BPIFC: variants seen among roughly 807,000 people sequenced by gnomAD.
BPIFC encodes BPI fold containing family C.
Under a neutral mutation model 57.6 loss-of-function variants are expected in BPIFC, and 60 were observed. That is an observed-to-expected ratio of 1.04 (90% confidence interval 0.85 to 1.29). BPIFC has a LOEUF of 1.29. BPIFC is among the 50% of genes most tolerant of loss of function. The pLI is 0.00. For missense variants in BPIFC, 581 were observed against 600.5 expected, an observed-to-expected ratio of 0.97 and a Z score of 0.34; for synonymous variants, 243 against 224.5, an observed-to-expected ratio of 1.08 and a Z score of -0.74.
chr22:32,423,491 T>G (rs11912349), intron 13 of BPIFC, among the ~76,000 whole-genome samples: 34,940 of 151,258 alleles, frequency 0.23, 4,636 homozygotes, highest in East Asian at 0.45. Flanking sequence ...GCTTGAGGAG[T>G]AGAGTTAGGT....
chr22:32,415,199 C>G (rs1601437464), intron 16 of BPIFC, among the ~76,000 whole-genome samples: 1 of 152,184 alleles, frequency 6.6e-6, no homozygotes, highest in African/African-American at 2.4e-5. Flanking sequence ...TGCTGCTGAT[C>G]TGGTAGGAGG....
chr22:32,461,895 C>A (rs560363474), intron 1 of BPIFC, among the ~76,000 whole-genome samples: 3 of 152,020 alleles, frequency 2.0e-5, no homozygotes, highest in African/African-American at 7.2e-5. Context: ...AAAAATAGGC[C>A]GGGCGTGGTG....
chr22:32,450,004 G>A (rs1432731447), intron 4 of BPIFC, among the ~76,000 whole-genome samples: 1 of 151,848 alleles, frequency 6.6e-6, no homozygotes, highest in Admixed American at 6.6e-5. Context: ...AAAGTGCTGG[G>A]ATTACAAGCG....
At chr22:32,434,318 A>G (rs988271514) in intron 10 of BPIFC, among the ~76,000 whole-genome samples, 11 of 148,900 alleles carry the variant, frequency 7.4e-5, no homozygotes, top group South Asian at 2.1e-4. Flanking sequence ...TATATATATT[A>G]CACTCTGTGT....
chr22:32,441,636 A>C (rs941435631), intron 8 of BPIFC, among the ~76,000 whole-genome samples: 3 of 152,150 alleles, frequency 2.0e-5, no homozygotes, highest in African/African-American at 7.2e-5. Flanking sequence ...GCTGGGTCTT[A>C]AATATAAAGA....
intron 3 of BPIFC, 89 bp from the exon 4 acceptor site, chr22:32,453,592 T>G: frequency 7.0e-7 from 1 of 1,420,702 alleles, no homozygotes. Flanking sequence ...ATTTATTGAG[T>G]GAGACATGCC....
In BPIFC at chr22:32,452,362, C is replaced by T. The variant is rs377144167; in HGVS notation, c.245+1021G>A. On this transcript the variant is annotated intron_variant, in intron 4 of 16. Transcript: ENST00000300399. ...CAAAACATCTTGGTTTTGGGCTGGG[C>T]GTGGTGGCTCACGCCTGTAATCCCA... is the stretch of plus-strand genomic sequence containing the variant. Among the ~76,000 whole-genome samples, 522 of 150,428 alleles carry T rather than the reference C, an allele frequency of 3.5e-3. 3 individuals are homozygous for T. Among genetic ancestry groups the T allele is most frequent in the Middle Eastern group, 0.02 (6 of 294 alleles).
chr22:32,426,667 G>A lies in BPIFC; in HGVS notation c.1217+4680C>T, dbSNP rs1170049892. Among the ~76,000 whole-genome samples, 7 of 152,116 alleles carry A rather than the reference G, an allele frequency of 4.6e-5. 1 individual carries two copies. The highest frequency in any genetic ancestry group is 3.3e-4 in the Admixed American group (5 of 15,270). On this transcript the variant is annotated intron_variant, in intron 13 of 16. Coordinates refer to ENST00000300399, the MANE Select transcript of BPIFC (RefSeq NM_174932.3). Reference sequence around the variant, plus strand: ...AGCACTTTGGGAGGCCGAGGCGGGTGGATCACCTGAGGTCAGGAGTTCGAG... The same window carrying A: ...AGCACTTTGGGAGGCCGAGGCGGGTAGATCACCTGAGGTCAGGAGTTCGAG...
chr22:32,416,945 G>A, intron 15 of BPIFC, 140 bp downstream of exon 15: 1 of 864,528 alleles, frequency 1.2e-6, no homozygotes, highest in African/African-American at 1.7e-5. Context: ...TGCAAATTCT[G>A]ACGCTGGCCT....
intron 2 of BPIFC, 129 bp from the exon 3 acceptor site, chr22:32,457,515 A>G: frequency 1.0e-6 from 1 of 979,174 alleles, no homozygotes; most frequent in South Asian, 1.6e-5. Flanking sequence ...CATCCAATCC[A>G]TCCATTCATC....
At chr22:32,423,682 CA>C (rs1429256942) in intron 13 of BPIFC, among the ~76,000 whole-genome samples, 2 of 139,914 alleles carry the variant, frequency 1.4e-5, no homozygotes, top group African/African-American at 2.7e-5. Context: ...AAAAAAAAAA[CA>C]AAAAAACCTC....
chr22:32,440,490 C>T (rs543565057), intron 8 of BPIFC, among the ~76,000 whole-genome samples: 13 of 152,136 alleles, frequency 8.5e-5, no homozygotes, highest in South Asian at 2.1e-4. Flanking sequence ...GGGGGCACAG[C>T]GGTGAGTCAA....
chr22:32,417,074 T>C lies in BPIFC; in HGVS notation c.1324+11A>G. ...ATGTTACAGTCACATTGTTTTCCAA[T>C]AATCCCTTACCATTGGCCAGTGGGA... On this transcript the variant is annotated intron_variant, in intron 15 of 16. Transcript: ENST00000300399. 6.3e-7 allele frequency: 1 copy of C among 1,585,194 alleles called. No individual in the cohort carries two copies. Among genetic ancestry groups the C allele is most frequent in the Middle Eastern group, 1.7e-4 (1 of 6,002 alleles).
intron 8 of BPIFC, among the ~76,000 whole-genome samples, chr22:32,438,584 G>A (rs1039726273): frequency 1.8e-4 from 27 of 152,036 alleles, no homozygotes; most frequent in Non-Finnish European, 2.2e-4. Flanking sequence ...TAGAGACAGC[G>A]TTTCACCATG....
intron 13 of BPIFC, among the ~76,000 whole-genome samples, chr22:32,423,800 A>AG (rs1268785823): frequency 2.0e-5 from 3 of 152,120 alleles, no homozygotes; most frequent in Non-Finnish European, 4.4e-5. Flanking sequence ...AGACCAAAAA[A>AG]GGGAAAGTGT....
intron 9 of BPIFC, 115 bp from the exon 10 acceptor site, chr22:32,435,995 T>C: frequency 2.5e-6 from 3 of 1,205,008 alleles, no homozygotes; most frequent in Non-Finnish European, 3.4e-6. Context: ...TCGGGCCAGG[T>C]GTGGTGGCTC....
intron 13 of BPIFC, among the ~76,000 whole-genome samples, chr22:32,422,778 G>T (rs1433818183): frequency 1.3e-5 from 2 of 152,084 alleles, no homozygotes; most frequent in Non-Finnish European, 2.9e-5. Context: ...GTATGTGTGT[G>T]TGTGAGCATG....
intron 3 of BPIFC, among the ~76,000 whole-genome samples, chr22:32,454,181 T>C (rs561817403): frequency 2.5e-4 from 38 of 152,294 alleles, no homozygotes; most frequent in African/African-American, 8.4e-4. Flanking sequence ...ATTCAGACAC[T>C]TCGGCTCCAG....
intron 4 of BPIFC, 39 bp from the exon 5 acceptor site, chr22:32,447,379 A>C (rs750920173): frequency 6.3e-7 from 1 of 1,596,372 alleles, no homozygotes; most frequent in Admixed American, 1.7e-5. Context: ...CGACTCTTCC[A>C]GCACATCTCT....
Sources: allele counts gnomAD v4.1 joint callset (sites outside exome capture counted in the v4.1 genomes callset), GRCh38; gene constraint gnomAD v4.1.1; transcripts MANE v1.5; gene names NCBI Gene and HGNC (gene_info 2026-07-23, HGNC 2026-07-21).